The following MYO1E variants were observed in gnomAD, a reference collection of about 807,000 sequenced individuals.
MYO1E encodes myosin IE, also known as unconventional myosin-Ie.
In MYO1E, 68 loss-of-function variants were observed where a neutral mutation model predicts 151.1. The ratio of observed to expected loss-of-function variants is 0.45; its 90% CI spans 0.37 to 0.55. The LOEUF (loss-of-function observed/expected upper bound fraction) is 0.55. MYO1E is among the 20% of genes least tolerant of loss of function. The pLI is 0.00. For missense variants in MYO1E, 1,363 were observed against 1,389.3 expected, an observed-to-expected ratio of 0.98 and a Z score of 0.30; for synonymous variants, 601 against 501.7, an observed-to-expected ratio of 1.20 and a Z score of -2.64.
At chr15:59,206,988 G>A (rs1330048115) in intron 14 of MYO1E, 6 of 1,614,142 alleles carry the variant, frequency 3.7e-6, no homozygotes, top group Non-Finnish European at 5.1e-6. Context: ...GAGTGAGCTC[G>A]GTGGGAGCGA....
At chr15:59,313,924 C>T (rs754099056) in intron 1 of MYO1E, among the ~76,000 whole-genome samples, 5 of 152,192 alleles carry the variant, frequency 3.3e-5, no homozygotes, top group Non-Finnish European at 7.3e-5. Flanking sequence ...TGAGAGAGAC[C>T]ATAATGGCTG....
At chr15:59,241,020 G>C (rs537771143) in intron 4 of MYO1E, among the ~76,000 whole-genome samples, 9 of 152,332 alleles carry the variant, frequency 5.9e-5, no homozygotes, top group South Asian at 4.1e-4. Flanking sequence ...TTAGGGATTT[G>C]GGGGTGGCAG....
intron 1 of MYO1E, among the ~76,000 whole-genome samples, chr15:59,368,711 A>T (rs1165561263): frequency 6.6e-6 from 1 of 151,756 alleles, no homozygotes; most frequent in Non-Finnish European, 1.5e-5. Context: ...GCGCCAGTGC[A>T]CTCCAGCCCG....
At chr15:59,177,903 C>T (rs931338913) in intron 19 of MYO1E, among the ~76,000 whole-genome samples, 2 of 152,224 alleles carry the variant, frequency 1.3e-5, no homozygotes, top group Non-Finnish European at 2.9e-5. Context: ...AATTCCCACC[C>T]GGCACTCTGC....
intron 1 of MYO1E, among the ~76,000 whole-genome samples, chr15:59,339,236 A>G (rs542225573): frequency 1.4e-4 from 22 of 152,334 alleles, no homozygotes; most frequent in African/African-American, 5.1e-4. Flanking sequence ...AACCTTTCAG[A>G]GCCTTCCTCT....
intron 9 of MYO1E, chr15:59,218,373 C>G (rs544848118): frequency 3.6e-6 from 2 of 553,124 alleles, no homozygotes; most frequent in Admixed American, 2.2e-5. Context: ...GCAAACCTAT[C>G]CCTCCTACTG....
chr15:59,309,320 G>A (rs2080535386), intron 1 of MYO1E, among the ~76,000 whole-genome samples: 2 of 152,072 alleles, frequency 1.3e-5, no homozygotes, highest in South Asian at 2.1e-4. Context: ...CATAAGTTAA[G>A]TGTCTCCTCA....
chr15:59,340,325 T>A (rs1238086029), intron 1 of MYO1E, among the ~76,000 whole-genome samples: 1 of 152,256 alleles, frequency 6.6e-6, no homozygotes, highest in East Asian at 1.9e-4. Context: ...AATAGCAATT[T>A]TTTAAACCCC....
intron 1 of MYO1E, among the ~76,000 whole-genome samples, chr15:59,328,732 A>G (rs1405916084): frequency 2.0e-5 from 3 of 151,944 alleles, no homozygotes; most frequent in Non-Finnish European, 4.4e-5. Flanking sequence ...TCTGTAGAAG[A>G]CTCTGGTGTG....
chr15:59,360,382 T>G (rs1429109751), intron 1 of MYO1E, among the ~76,000 whole-genome samples: 1 of 151,928 alleles, frequency 6.6e-6, no homozygotes, highest in African/African-American at 2.4e-5. Context: ...TTTTTGTCTG[T>G]GTGTGGAATG....
chr15:59,247,491 T>C (rs1337383573), intron 4 of MYO1E, among the ~76,000 whole-genome samples: 2 of 152,254 alleles, frequency 1.3e-5, no homozygotes, highest in East Asian at 1.9e-4. Context: ...CCTCATTTTT[T>C]AGATGCAGCT....
chr15:59,221,991 G>T (rs2079959098), intron 9 of MYO1E, among the ~76,000 whole-genome samples: 2 of 152,126 alleles, frequency 1.3e-5, no homozygotes, highest in South Asian at 4.1e-4. Flanking sequence ...ACAAAGTTTA[G>T]AAACATAGTT....
At chr15:59,172,672 T>C (rs550666041) in intron 21 of MYO1E, among the ~76,000 whole-genome samples, 2 of 152,254 alleles carry the variant, frequency 1.3e-5, no homozygotes, top group African/African-American at 2.4e-5. Flanking sequence ...TTAGCAAGGA[T>C]GCACTACAGC....
At chr15:59,269,618 G>A (rs1254316158) in intron 2 of MYO1E, among the ~76,000 whole-genome samples, 2 of 152,122 alleles carry the variant, frequency 1.3e-5, no homozygotes, top group Non-Finnish European at 2.9e-5. Flanking sequence ...AGCACTTTGG[G>A]AGGCTGAGGT....
At chr15:59,316,761 C>T (rs897049120) in intron 1 of MYO1E, among the ~76,000 whole-genome samples, 10 of 152,242 alleles carry the variant, frequency 6.6e-5, no homozygotes, top group South Asian at 6.2e-4. Flanking sequence ...CTACAGGATC[C>T]GTTAGCAAGT....
At chr15:59,307,869 CAA>C (rs1425336418) in intron 1 of MYO1E, among the ~76,000 whole-genome samples, 1 of 151,474 alleles carries the variant, frequency 6.6e-6, no homozygotes, top group African/African-American at 2.4e-5. Context: ...CTCAGCCTCC[CAA>C]AGTGCTGGGA....
chr15:59,331,045 C>T (rs2080695063), intron 1 of MYO1E, among the ~76,000 whole-genome samples: 1 of 152,212 alleles, frequency 6.6e-6, no homozygotes, highest in South Asian at 2.1e-4. Context: ...GCTGAGATTA[C>T]AGGTGTGAGC....
chr15:59,298,694 T>C (rs1030016794), intron 1 of MYO1E, among the ~76,000 whole-genome samples: 6 of 152,180 alleles, frequency 3.9e-5, no homozygotes, highest in African/African-American at 1.4e-4. Context: ...AGGAGTTCTT[T>C]CAGACCAGAT....
chr15:59,216,685 T>TATACAC (rs1232339026), intron 10 of MYO1E, among the ~76,000 whole-genome samples: 1 of 38,638 alleles, frequency 2.6e-5, no homozygotes, highest in Non-Finnish European at 5.4e-5. Flanking sequence ...TATATATATA[T>TATACAC]ACACATACAC....
Sources: allele counts gnomAD v4.1 joint callset (sites outside exome capture counted in the v4.1 genomes callset), GRCh38; gene constraint gnomAD v4.1.1; transcripts MANE v1.5; gene names NCBI Gene and HGNC (gene_info 2026-07-23, HGNC 2026-07-21).